DTNA: variants seen among roughly 807,000 people sequenced by gnomAD.
DTNA encodes dystrobrevin alpha.
Under a neutral mutation model 100.7 loss-of-function variants are expected in DTNA, and 43 were observed. The observed-to-expected ratio is 0.43, with a 90% CI of 0.33 to 0.55. DTNA has a LOEUF of 0.55. Among genes scored for constraint, DTNA ranks in the 20% least tolerant of loss-of-function variants. The probability of loss-of-function intolerance (pLI) is 0.04; values close to 1 mark genes in which losing one functional copy is unlikely to be tolerated. For synonymous variants in DTNA, 349 were observed against 347.9 expected (o/e 1.00, Z -0.04); for missense variants, 798 against 953.9 (o/e 0.84, Z 2.15).
At chr18:34,771,146 A>G (rs376332042) in intron 3 of DTNA, among the ~76,000 whole-genome samples, 1 of 152,172 alleles carries the variant, frequency 6.6e-6, no homozygotes. Flanking sequence ...GTACTGATAT[A>G]ATATCCCTGA....
At chr18:34,594,095 AT>A (rs1274362567) in intron 1 of DTNA, among the ~76,000 whole-genome samples, 1 of 151,776 alleles carries the variant, frequency 6.6e-6, no homozygotes, top group Non-Finnish European at 1.5e-5. Flanking sequence ...AATAGAAGTT[AT>A]TTTTTAGTGT....
At chr18:34,814,510 T>G (rs1015374095) in intron 6 of DTNA, among the ~76,000 whole-genome samples, 1 of 149,842 alleles carries the variant, frequency 6.7e-6, no homozygotes, top group Non-Finnish European at 1.5e-5. Context: ...CATAGTAAGA[T>G]CTCATCTCTG....
intron 1 of DTNA, among the ~76,000 whole-genome samples, chr18:34,689,496 T>G (rs2145803435): frequency 6.6e-6 from 1 of 152,332 alleles, no homozygotes; most frequent in South Asian, 2.1e-4. Flanking sequence ...CAGAGATTGC[T>G]GCCTGCTCCT....
chr18:34,884,339 A>G lies in DTNA; in HGVS notation c.2296-389A>G, dbSNP rs557854675. 3.3e-5 allele frequency among the ~76,000 whole-genome samples: 5 copies of G among 152,294 alleles called. No individual in the cohort carries two copies. The South Asian group carries it at 1.0e-3, about 32-fold the overall frequency. On this transcript the variant is annotated intron_variant, in intron 21 of 22. Coordinates refer to ENST00000444659, the MANE Select transcript of DTNA (RefSeq NM_001386795.1). ...TAATGAATTAAAAATGTAACCTTCTATGAGTAAAATGAAGGGAATTTCTAC... is the reference window on the plus strand; with the variant it reads ...TAATGAATTAAAAATGTAACCTTCTGTGAGTAAAATGAAGGGAATTTCTAC...
intron 1 of DTNA, among the ~76,000 whole-genome samples, chr18:34,752,570 G>A (rs1332624751): frequency 6.6e-6 from 1 of 152,176 alleles, no homozygotes; most frequent in Non-Finnish European, 1.5e-5. Flanking sequence ...CGATCAATGA[G>A]TAATAGGTGA....
chr18:34,505,834 A>T lies in DTNA; in HGVS notation c.-2+12320A>T, dbSNP rs578175325. Among the ~76,000 whole-genome samples the T allele has an allele frequency of 1.4e-3, 212 of 152,300 alleles. 1 individual carries two copies. Among genetic ancestry groups the T allele is most frequent in the Admixed American group, 2.4e-3 (36 of 15,310 alleles). Reference sequence around the variant, plus strand: ...ACATCTCTGGGATCTTGCTTTTAGCATCTGTTGATTGTCGTCTTTCATTCA... The same window carrying T: ...ACATCTCTGGGATCTTGCTTTTAGCTTCTGTTGATTGTCGTCTTTCATTCA... On this transcript the variant is annotated intron_variant, in intron 1 of 19. Coordinates refer to the DTNA transcript ENST00000283365.
At chr18:34,502,772 C>A (rs999559733) in intron 1 of DTNA, among the ~76,000 whole-genome samples, 11 of 151,956 alleles carry the variant, frequency 7.2e-5, no homozygotes, top group Non-Finnish European at 1.3e-4. Flanking sequence ...ATTTTATGTC[C>A]CAAAATGTGC....
At chr18:34,772,218 G>A (rs924098325) in intron 3 of DTNA, among the ~76,000 whole-genome samples, 7 of 152,004 alleles carry the variant, frequency 4.6e-5, no homozygotes, top group African/African-American at 1.7e-4. Context: ...TGTTTAAAAG[G>A]CAAAGAGGAG....
chr18:34,611,185 C>A (rs1372690608), intron 1 of DTNA, among the ~76,000 whole-genome samples: 3 of 152,088 alleles, frequency 2.0e-5, no homozygotes, highest in African/African-American at 7.2e-5. Flanking sequence ...AAAAAAAATT[C>A]TCTTGGATCT....
At chr18:34,690,259 C>T (rs1456123422) in intron 1 of DTNA, among the ~76,000 whole-genome samples, 1 of 152,160 alleles carries the variant, frequency 6.6e-6, no homozygotes, top group African/African-American at 2.4e-5. Context: ...TGCTTGAAAC[C>T]CAGGGCCCTT....
intron 5 of DTNA, among the ~76,000 whole-genome samples, chr18:34,811,325 T>C (rs2095481090): frequency 6.6e-6 from 1 of 152,178 alleles, no homozygotes; most frequent in African/African-American, 2.4e-5. Context: ...AAGACCAGGC[T>C]TCCTCTTCAC....
chr18:34,522,619 C>A (rs566760314), intron 1 of DTNA, among the ~76,000 whole-genome samples: 1 of 152,316 alleles, frequency 6.6e-6, no homozygotes, highest in South Asian at 2.1e-4. Context: ...ATTAGTGCAG[C>A]TCTGCCCTCT....
At chr18:34,719,598 G>C (rs1025316366) in intron 1 of DTNA, among the ~76,000 whole-genome samples, 2 of 152,076 alleles carry the variant, frequency 1.3e-5, no homozygotes, top group Non-Finnish European at 2.9e-5. Context: ...CTTGTAACGT[G>C]CTCACAAAGT....
chr18:34,705,073 A>G (rs2081948048), intron 1 of DTNA, among the ~76,000 whole-genome samples: 1 of 152,182 alleles, frequency 6.6e-6, no homozygotes, highest in South Asian at 2.1e-4. Context: ...CTAAAAGGCC[A>G]TAAAAGAACT....
At chr18:34,823,046 T>G (rs1694132031) in intron 9 of DTNA, among the ~76,000 whole-genome samples, 1 of 152,190 alleles carries the variant, frequency 6.6e-6, no homozygotes, top group African/African-American at 2.4e-5. Flanking sequence ...AGAAAAGAAT[T>G]TTTTTTCTAT....
intron 1 of DTNA, among the ~76,000 whole-genome samples, chr18:34,664,970 T>A (rs1044828235): frequency 1.3e-4 from 19 of 151,698 alleles, no homozygotes; most frequent in African/African-American, 4.4e-4. Context: ...TTCTATCTTC[T>A]ATCTTCTTCT....
chr18:34,759,752 G>A (rs1402169111), intron 2 of DTNA, among the ~76,000 whole-genome samples: 1 of 152,182 alleles, frequency 6.6e-6, no homozygotes, highest in Admixed American at 6.5e-5. Context: ...CGCGATCTCA[G>A]CTCACTGCAA....
Position 34,890,272 on chromosome 18 carries a change from C to A in DTNA, c.*2538C>A. The A allele has an allele frequency of 1.3e-6, 2 of 1,527,328 alleles. No homozygotes were observed. The highest frequency in any genetic ancestry group is 1.8e-6 in the Non-Finnish European group (2 of 1,141,212). 94.6% of individuals were successfully genotyped at this position (1,527,328 alleles called of 1,614,324 possible). A position where few individuals can be genotyped will look rare whatever the true frequency, so the allele number is the denominator to read the frequency against. ...ACTGCCGCCAATGACCAATTTCTGACTAACCAGCCACCTTTTCTCTCTCTT... is the reference window on the plus strand; with the variant it reads ...ACTGCCGCCAATGACCAATTTCTGAATAACCAGCCACCTTTTCTCTCTCTT... On this transcript the variant is annotated 3_prime_UTR_variant, in exon 23 of 23. Transcript: ENST00000444659.
intron 1 of DTNA, among the ~76,000 whole-genome samples, chr18:34,601,781 C>A (rs1183303254): frequency 6.6e-6 from 1 of 152,208 alleles, no homozygotes; most frequent in Non-Finnish European, 1.5e-5. Context: ...AGCTTCTCCA[C>A]CACTATGGAA....
Sources: gnomAD v4.1 joint callset for allele counts (sites outside exome capture counted in the v4.1 genomes callset) on GRCh38, gnomAD v4.1.1 for gene constraint, MANE v1.5 for transcripts, NCBI Gene and HGNC (gene_info 2026-07-23, HGNC 2026-07-21) for gene names.